Variants in MARCHF1 observed in about 807,000 individuals in gnomAD.
MARCHF1 encodes E3 ubiquitin-protein ligase MARCHF1.
A neutral mutation model predicts 54.2 loss-of-function variants in MARCHF1; 40 were observed. The observed-to-expected ratio is 0.74, with a 90% CI of 0.57 to 0.96. MARCHF1 has a LOEUF of 0.96. Ranked by LOEUF, MARCHF1 falls within the 40% of genes least tolerant of loss-of-function variation. The pLI, the probability that MARCHF1 is intolerant of heterozygous loss-of-function variation, is 0.00. For synonymous variants in MARCHF1, 236 were observed against 236.3 expected (o/e 1.00, Z 0.01); for missense variants, 586 against 656.5 (o/e 0.89, Z 1.17).
At position 163,922,348 on chromosome 4, in the gene MARCHF1, G is replaced by T. The variant is rs538916048; in HGVS notation, c.-39+66153C>A. Among the ~76,000 whole-genome samples the T allele has an allele frequency of 8.2e-4, 125 of 152,110 alleles. 2 individuals carry two copies. In the South Asian group the frequency reaches 0.015, roughly 18 times the overall value. The stretch of plus-strand genomic sequence containing the variant: ...CTGCACGTTGTGCACATGTACCCTA[G>T]AACTTAAAGTATAATAATAATAAAA... On this transcript the variant is annotated intron_variant, in intron 3 of 9. Transcript: ENST00000514618.
intron 2 of MARCHF1, among the ~76,000 whole-genome samples, chr4:164,027,517 T>C (rs1011459663): frequency 6.6e-6 from 1 of 151,840 alleles, no homozygotes; most frequent in Non-Finnish European, 1.5e-5. Flanking sequence ...CCTTATTTAA[T>C]AAATGGTGCT....
intron 4 of MARCHF1, among the ~76,000 whole-genome samples, chr4:163,752,942 TG>T (rs1279022143): frequency 1.3e-5 from 2 of 152,296 alleles, no homozygotes; most frequent in East Asian, 1.9e-4. Context: ...AAATTTTCAT[TG>T]CCAGTAACAC....
At chr4:164,141,657 T>C (rs17044550) in intron 1 of MARCHF1, among the ~76,000 whole-genome samples, 28,277 of 152,226 alleles carry the variant, frequency 0.19, 4,129 homozygotes, top group African/African-American at 0.39. Flanking sequence ...AATGGCAACT[T>C]GGTAAAAGTA....
chr4:164,187,165 C>T (rs1389194970), intron 1 of MARCHF1, among the ~76,000 whole-genome samples: 1 of 152,000 alleles, frequency 6.6e-6, no homozygotes, highest in African/African-American at 2.4e-5. Flanking sequence ...TGCTCATCCT[C>T]TAAGAAAAAG....
intron 2 of MARCHF1, among the ~76,000 whole-genome samples, chr4:163,990,148 TCA>T (rs1752945200): frequency 6.6e-6 from 1 of 152,210 alleles, no homozygotes; most frequent in Non-Finnish European, 1.5e-5. Context: ...ATTTAAATAT[TCA>T]CACTGAAATA....
chr4:163,835,549 C>A (rs988680381), intron 4 of MARCHF1, among the ~76,000 whole-genome samples: 6 of 152,176 alleles, frequency 3.9e-5, no homozygotes, highest in African/African-American at 1.4e-4. Flanking sequence ...AAACTATAAC[C>A]AATCCAGCTG....
intron 4 of MARCHF1, among the ~76,000 whole-genome samples, chr4:163,841,328 T>C (rs1749331050): frequency 6.6e-6 from 1 of 152,028 alleles, no homozygotes; most frequent in African/African-American, 2.4e-5. Flanking sequence ...ATGGACCACT[T>C]TGGGGATGTT....
At chr4:163,625,523 C>T (rs888919540) in intron 5 of MARCHF1, among the ~76,000 whole-genome samples, 3 of 152,110 alleles carry the variant, frequency 2.0e-5, no homozygotes, top group Non-Finnish European at 2.9e-5. Flanking sequence ...AATAGTTGAA[C>T]CAAGTTGAAC....
intron 1 of MARCHF1, among the ~76,000 whole-genome samples, chr4:164,215,021 C>G (rs1731888353): frequency 6.6e-6 from 1 of 152,184 alleles, no homozygotes; most frequent in African/African-American, 2.4e-5. Flanking sequence ...CCCCAGTGGG[C>G]ATCTGTTACA....
At position 164,186,081 on chromosome 4, in the gene MARCHF1, C is replaced by T. The variant is rs537714221; in HGVS notation, c.-322-74419G>A. Among the ~76,000 whole-genome samples the T allele has an allele frequency of 3.2e-4, 49 of 152,168 alleles. 1 individual carries two copies. The highest frequency in any genetic ancestry group is 1.9e-3 in the East Asian group (10 of 5,166). ...CTAATTTTTGTATTTTTAGTAGAGA[C>T]GGGGTTTTGCCATGTTGGCCAGGCT... On this transcript the variant is annotated intron_variant, in intron 1 of 9. Coordinates refer to ENST00000514618, the MANE Select transcript of MARCHF1 (RefSeq NM_001394959.1).
At chr4:163,798,225 T>C (rs1429882646) in intron 4 of MARCHF1, among the ~76,000 whole-genome samples, 2 of 152,130 alleles carry the variant, frequency 1.3e-5, no homozygotes, top group Non-Finnish European at 2.9e-5. Flanking sequence ...TCTCTCTCTC[T>C]TCCCTCCAGT....
At chr4:164,129,542 G>A (rs1413066881) in intron 1 of MARCHF1, among the ~76,000 whole-genome samples, 1 of 152,108 alleles carries the variant, frequency 6.6e-6, no homozygotes, top group Non-Finnish European at 1.5e-5. Flanking sequence ...CATAGTCTCA[G>A]AGAATTAATC....
intron 3 of MARCHF1, among the ~76,000 whole-genome samples, chr4:163,898,583 T>G (rs898635702): frequency 6.6e-6 from 1 of 152,204 alleles, no homozygotes; most frequent in Non-Finnish European, 1.5e-5. Context: ...ATACTGTTGG[T>G]GCGAGTGTAA....
intron 5 of MARCHF1, among the ~76,000 whole-genome samples, chr4:163,698,791 G>T (rs990521566): frequency 1.3e-5 from 2 of 152,152 alleles, no homozygotes; most frequent in African/African-American, 2.4e-5. Flanking sequence ...GTGTGACAAA[G>T]GCGTTGTCAG....
At chr4:163,674,000 A>T (rs1423340019) in intron 5 of MARCHF1, among the ~76,000 whole-genome samples, 1 of 152,218 alleles carries the variant, frequency 6.6e-6, no homozygotes, top group Admixed American at 6.5e-5. Flanking sequence ...CACCCTGGGC[A>T]ACTCCTCAGG....
chr4:163,892,064 A>C (rs1033349679), intron 3 of MARCHF1, among the ~76,000 whole-genome samples: 15 of 152,132 alleles, frequency 9.9e-5, no homozygotes, highest in Non-Finnish European at 1.5e-5. Context: ...CATTGTAACA[A>C]TTTAATTTTA....
chr4:164,214,046 TG>T (rs1426030527), intron 1 of MARCHF1, among the ~76,000 whole-genome samples: 1 of 152,096 alleles, frequency 6.6e-6, no homozygotes, highest in African/African-American at 2.4e-5. Flanking sequence ...TATATGTTTA[TG>T]GGTAAATATA....
intron 8 of MARCHF1, among the ~76,000 whole-genome samples, chr4:163,553,503 CTA>C (rs1452358340): frequency 1.3e-5 from 2 of 152,230 alleles, no homozygotes; most frequent in East Asian, 1.9e-4. Context: ...TTTTTATTAA[CTA>C]TGTGAACAAA....
chr4:164,247,359 A>C (rs1001099436), intron 1 of MARCHF1, among the ~76,000 whole-genome samples: 6 of 150,160 alleles, frequency 4.0e-5, no homozygotes, highest in Non-Finnish European at 8.9e-5. Context: ...TCACAAGAAC[A>C]AAAAACCAAA....
Sources: allele counts gnomAD v4.1 joint callset (sites outside exome capture counted in the v4.1 genomes callset), GRCh38; gene constraint gnomAD v4.1.1; transcripts MANE v1.5; gene names NCBI Gene and HGNC (gene_info 2026-07-23, HGNC 2026-07-21).